RANBP17: variants seen among roughly 807,000 people sequenced by gnomAD.
RANBP17 encodes the protein ran-binding protein 17.
Under a neutral mutation model 141.2 loss-of-function variants are expected in RANBP17, and 158 were observed. The ratio of observed to expected loss-of-function variants is 1.12; its 90% confidence interval spans 0.98 to 1.28. The LOEUF (loss-of-function observed/expected upper bound fraction) is 1.28, where lower values mean the gene tolerates loss of function less well. Ranked by LOEUF, RANBP17 falls within the 50% of genes most tolerant of loss-of-function variation. The pLI is 0.00. For missense variants in RANBP17, 1,438 were observed against 1,290.7 expected, an observed-to-expected ratio of 1.11 and a Z score of -1.75; for synonymous variants, 430 against 450.0, an observed-to-expected ratio of 0.96 and a Z score of 0.56.
In RANBP17 at chr5:171,029,783, A is replaced by G. The variant is rs532468177; in HGVS notation, c.1710+61406A>G. On this transcript the variant is annotated intron_variant, in intron 14 of 27. Transcript: ENST00000523189. Reference sequence around the variant, plus strand: ...AAAAATTTTTTTATTTGAGGAAAAAAATCTACATGTATTCTGACATTTATA... The same window carrying G: ...AAAAATTTTTTTATTTGAGGAAAAAGATCTACATGTATTCTGACATTTATA... 4.1e-4 allele frequency among the ~76,000 whole-genome samples: 62 copies of G among 152,202 alleles called. 1 individual carries two copies. The South Asian group carries it at 0.012, about 31-fold the overall frequency.
At chr5:170,873,393 AGTT>A (rs1163301255) in intron 1 of RANBP17, among the ~76,000 whole-genome samples, 3 of 152,092 alleles carry the variant, frequency 2.0e-5, no homozygotes, top group African/African-American at 7.2e-5. Flanking sequence ...CCTCCTTTTC[AGTT>A]GTTTGGAATA....
At chr5:171,278,031 C>T (rs1308206961) in intron 25 of RANBP17, among the ~76,000 whole-genome samples, 4 of 131,984 alleles carry the variant, frequency 3.0e-5, no homozygotes, top group African/African-American at 5.7e-5. Context: ...CAGTTTGAGT[C>T]GTTCCTCCCT....
At chr5:171,001,953 C>T (rs970135041) in intron 14 of RANBP17, among the ~76,000 whole-genome samples, 3 of 152,012 alleles carry the variant, frequency 2.0e-5, no homozygotes, top group Non-Finnish European at 4.4e-5. Flanking sequence ...TGACTCGAGC[C>T]ATGTGAGTAA....
In RANBP17 at chr5:170,881,840, T is replaced by G. The variant is rs756060944; in HGVS notation, c.200T>G (p.Leu67Arg). 1 of 1,610,118 alleles carries G rather than the reference T, an allele frequency of 6.2e-7. No individual in the cohort carries two copies. The highest frequency in any genetic ancestry group is 2.2e-5 in the East Asian group (1 of 44,758). The change falls in exon 3 of 28, where the codon CTT becomes CGT. Residue 67 changes from leucine (L) to arginine (R), a missense_variant. Transcript: ENST00000523189. ...SYAQLLAATC[L>R]SKLVSRVSPL... ...GCTCAGCTCCTTGCAGCAACATGTC[T>G]TTCAAAACTTGTCAGCCGAGTCAGT... is the stretch of plus-strand genomic sequence containing the variant.
intron 22 of RANBP17, among the ~76,000 whole-genome samples, chr5:171,229,759 GAAA>G (rs758827854): frequency 1.4e-4 from 12 of 88,322 alleles, no homozygotes; most frequent in African/African-American, 2.4e-4. Context: ...GATGCAAAAG[GAAA>G]AAAAAAAAAA....
At chr5:170,874,864 GTCA>G (rs1768052506) in intron 1 of RANBP17, among the ~76,000 whole-genome samples, 2 of 152,188 alleles carry the variant, frequency 1.3e-5, no homozygotes, top group South Asian at 4.2e-4. Context: ...ATTTGATCCT[GTCA>G]TCATGATGCT....
intron 15 of RANBP17, among the ~76,000 whole-genome samples, chr5:171,170,840 T>G (rs1233685484): frequency 6.6e-6 from 1 of 152,114 alleles, no homozygotes; most frequent in Admixed American, 6.6e-5. Flanking sequence ...AGCCACAGAT[T>G]GATGGTTCAT....
At chr5:171,268,828 C>T (rs1385071290) in intron 25 of RANBP17, among the ~76,000 whole-genome samples, 1 of 152,150 alleles carries the variant, frequency 6.6e-6, no homozygotes, top group Non-Finnish European at 1.5e-5. Flanking sequence ...AATTTTAGCA[C>T]AAATCAACAG....
At chr5:171,189,571 C>G (rs990458363) in intron 18 of RANBP17, among the ~76,000 whole-genome samples, 4 of 152,212 alleles carry the variant, frequency 2.6e-5, no homozygotes, top group Non-Finnish European at 4.4e-5. Context: ...CTGGAATCAG[C>G]TCTGGCTGCC....
intron 14 of RANBP17, among the ~76,000 whole-genome samples, chr5:170,996,615 C>T (rs1778833491): frequency 6.6e-6 from 1 of 152,150 alleles, no homozygotes; most frequent in Admixed American, 6.5e-5. Flanking sequence ...TACTCAAAAG[C>T]ACTTGCCGTA....
chr5:171,038,195 T>C (rs142911115), intron 14 of RANBP17, among the ~76,000 whole-genome samples: 4,144 of 150,350 alleles, frequency 0.028, 183 homozygotes, highest in African/African-American at 0.093. Context: ...TGTGTGTGTG[T>C]GCACGTGCAC....
At chr5:171,021,129 C>T (rs1321664631) in intron 14 of RANBP17, among the ~76,000 whole-genome samples, 1 of 152,194 alleles carries the variant, frequency 6.6e-6, no homozygotes, top group Non-Finnish European at 1.5e-5. Context: ...AGGGTTTCTG[C>T]AGAGAGATTC....
At chr5:171,285,676 G>A (rs1305376664) in intron 25 of RANBP17, among the ~76,000 whole-genome samples, 1 of 152,176 alleles carries the variant, frequency 6.6e-6, no homozygotes, top group Non-Finnish European at 1.5e-5. Flanking sequence ...CTTGAAATAT[G>A]ATTTACTACT....
intron 14 of RANBP17, among the ~76,000 whole-genome samples, chr5:171,062,308 T>A (rs529562355): frequency 6.6e-6 from 1 of 152,354 alleles, no homozygotes; most frequent in Non-Finnish European, 1.5e-5. Flanking sequence ...CGGTTGTTCC[T>A]TTCCATGTTT....
chr5:171,078,736 T>C (rs952963920), intron 14 of RANBP17, among the ~76,000 whole-genome samples: 1 of 152,232 alleles, frequency 6.6e-6, no homozygotes, highest in African/African-American at 2.4e-5. Flanking sequence ...TTTTACAGCA[T>C]TGAACGTTTT....
rs185201043 is a variant in RANBP17, at chr5:171,148,294, T to C, written c.1711-21836T>C. Reference sequence around the variant, plus strand: ...TCTGCCTAGGAAAACCAGAGACCTTTGTTCACTTGTTTGTCTGCTGACCTT... The same window carrying C: ...TCTGCCTAGGAAAACCAGAGACCTTCGTTCACTTGTTTGTCTGCTGACCTT... On this transcript the variant is annotated intron_variant, in intron 14 of 27. Coordinates refer to ENST00000523189, the MANE Select transcript of RANBP17 (RefSeq NM_022897.5). Among the ~76,000 whole-genome samples the C allele has an allele frequency of 2.5e-3, 384 of 152,278 alleles. 4 individuals carry two copies. Among genetic ancestry groups the C allele is most frequent in the African/African-American group, 7.9e-3 (330 of 41,548 alleles).
chr5:170,873,007 G>A (rs947484209), intron 1 of RANBP17, among the ~76,000 whole-genome samples: 28 of 152,166 alleles, frequency 1.8e-4, no homozygotes, highest in African/African-American at 6.3e-4. Context: ...CACCTCCAGG[G>A]TTCATGAGAT....
At chr5:171,231,852 G>A (rs1046446789) in intron 22 of RANBP17, among the ~76,000 whole-genome samples, 1 of 152,034 alleles carries the variant, frequency 6.6e-6, no homozygotes, top group African/African-American at 2.4e-5. Context: ...AATGATAGAG[G>A]ACAGCTAACT....
At chr5:171,214,466 T>C (rs1763094363) in intron 21 of RANBP17, among the ~76,000 whole-genome samples, 1 of 152,182 alleles carries the variant, frequency 6.6e-6, no homozygotes, top group African/African-American at 2.4e-5. Flanking sequence ...CCAAATTACA[T>C]GTCACTTAGC....
Sources: allele counts gnomAD v4.1 joint callset (sites outside exome capture counted in the v4.1 genomes callset), GRCh38; gene constraint gnomAD v4.1.1; transcripts MANE v1.5; gene names NCBI Gene and HGNC (gene_info 2026-07-23, HGNC 2026-07-21).